Variants in NLGN1 observed in about 807,000 individuals in gnomAD.
NLGN1 encodes neuroligin 1, also known as neuroligin-1.
In NLGN1, 12 loss-of-function variants were observed where a neutral mutation model predicts 65.5. The observed-to-expected ratio is 0.18, with a 90% confidence interval of 0.12 to 0.30. The LOEUF (loss-of-function observed/expected upper bound fraction) is 0.30. Ranked by LOEUF, NLGN1 falls within the 10% of genes least tolerant of loss-of-function variation. The pLI is 1.00. For missense variants in NLGN1, 750 were observed against 1,007.1 expected, an observed-to-expected ratio of 0.74 and a Z score of 3.46; for synonymous variants, 350 against 359.5, an observed-to-expected ratio of 0.97 and a Z score of 0.30.
intron 4 of NLGN1, among the ~76,000 whole-genome samples, chr3:173,997,072 G>A (rs781339029): frequency 2.0e-5 from 3 of 151,966 alleles, no homozygotes; most frequent in Non-Finnish European, 4.4e-5. Flanking sequence ...ATGGAAAATA[G>A]CAGAATAATT....
At chr3:173,956,587 A>G (rs148714841) in intron 4 of NLGN1, among the ~76,000 whole-genome samples, 2 of 151,830 alleles carry the variant, frequency 1.3e-5, no homozygotes, top group Non-Finnish European at 2.9e-5. Context: ...TTCACTGGGG[A>G]CTCTTCCCCT....
At chr3:173,554,921 T>A (rs759512038) in intron 2 of NLGN1, among the ~76,000 whole-genome samples, 29 of 152,172 alleles carry the variant, frequency 1.9e-4, no homozygotes, top group Non-Finnish European at 3.4e-4. Flanking sequence ...ATATTTGGTA[T>A]TTTTTGGCTT....
chr3:173,889,617 A>G (rs1208204596), intron 4 of NLGN1, among the ~76,000 whole-genome samples: 1 of 152,174 alleles, frequency 6.6e-6, no homozygotes, highest in Non-Finnish European at 1.5e-5. Flanking sequence ...TTTATGTTAA[A>G]GAAAGTACCT....
At chr3:173,564,593 A>C (rs893505128) in intron 2 of NLGN1, among the ~76,000 whole-genome samples, 2 of 152,068 alleles carry the variant, frequency 1.3e-5, no homozygotes, top group Non-Finnish European at 2.9e-5. Flanking sequence ...TACTCTTTTC[A>C]CCTTCATCAA....
At chr3:173,410,627 T>A (rs1712331153) in intron 1 of NLGN1, among the ~76,000 whole-genome samples, 1 of 152,242 alleles carries the variant, frequency 6.6e-6, no homozygotes, top group South Asian at 2.1e-4. Context: ...AGCATTAGAA[T>A]GTGAAAACAT....
At chr3:173,662,745 G>T (rs1276808003) in intron 3 of NLGN1, among the ~76,000 whole-genome samples, 2 of 151,862 alleles carry the variant, frequency 1.3e-5, no homozygotes, top group East Asian at 3.9e-4. Flanking sequence ...GACATTTTTG[G>T]TTGTCACAAA....
intron 4 of NLGN1, among the ~76,000 whole-genome samples, chr3:173,819,173 A>C (rs983786028): frequency 6.6e-6 from 1 of 151,852 alleles, no homozygotes; most frequent in African/African-American, 2.4e-5. Flanking sequence ...TTTTTAAATC[A>C]GCTTATGTTA....
intron 4 of NLGN1, among the ~76,000 whole-genome samples, chr3:173,898,318 G>GA (rs1443466442): frequency 2.0e-5 from 3 of 152,218 alleles, no homozygotes; most frequent in South Asian, 2.1e-4. Flanking sequence ...TAGATATCAG[G>GA]AAAAAAATAC....
chr3:173,874,982 C>T (rs1202494553), intron 4 of NLGN1, among the ~76,000 whole-genome samples: 3 of 152,278 alleles, frequency 2.0e-5, no homozygotes, highest in East Asian at 3.9e-4. Context: ...GGGCTACAGG[C>T]TTTGCAACTA....
intron 2 of NLGN1, among the ~76,000 whole-genome samples, chr3:173,477,991 G>A (rs754629472): frequency 3.9e-5 from 6 of 152,152 alleles, no homozygotes; most frequent in South Asian, 2.1e-4. Context: ...GGAAGATGGC[G>A]TGGCAATTCC....
chr3:173,580,640 A>G (rs1746248848), intron 2 of NLGN1, among the ~76,000 whole-genome samples: 1 of 151,940 alleles, frequency 6.6e-6, no homozygotes, highest in South Asian at 2.1e-4. Context: ...AATGAATTTG[A>G]TTCACATTTT....
At chr3:173,976,991 C>A (rs1717610105) in intron 4 of NLGN1, among the ~76,000 whole-genome samples, 1 of 151,954 alleles carries the variant, frequency 6.6e-6, no homozygotes, top group Admixed American at 6.6e-5. Context: ...AATATGAATG[C>A]CTACCATGTG....
intron 4 of NLGN1, among the ~76,000 whole-genome samples, chr3:174,022,088 T>G (rs1218205753): frequency 6.6e-6 from 1 of 152,018 alleles, no homozygotes; most frequent in Non-Finnish European, 1.5e-5. Context: ...TGTGCTACTT[T>G]ACCAAATTTC....
At chr3:174,039,046 A>G (rs1023572000) in intron 4 of NLGN1, among the ~76,000 whole-genome samples, 1 of 152,172 alleles carries the variant, frequency 6.6e-6, no homozygotes, top group Admixed American at 6.5e-5. Flanking sequence ...TGCTCATTGA[A>G]TATAAAAGCA....
At chr3:173,560,524 ATTT>A (rs3030773) in intron 2 of NLGN1, among the ~76,000 whole-genome samples, 1 of 149,960 alleles carries the variant, frequency 6.7e-6, no homozygotes, top group South Asian at 2.1e-4. Context: ...CAACAGAATG[ATTT>A]TTTTTTTTTA....
chr3:173,419,556 T>C (rs1402760954), intron 1 of NLGN1, among the ~76,000 whole-genome samples: 1 of 152,170 alleles, frequency 6.6e-6, no homozygotes, highest in African/African-American at 2.4e-5. Flanking sequence ...TAACAGTGCT[T>C]GTGCAAGATG....
At chr3:173,442,960 G>A (rs958105338) in intron 2 of NLGN1, among the ~76,000 whole-genome samples, 21 of 152,132 alleles carry the variant, frequency 1.4e-4, no homozygotes, top group African/African-American at 5.1e-4. Context: ...TATACAACCA[G>A]TTTACGGAAA....
At chr3:173,714,288 C>G (rs1337383116) in intron 3 of NLGN1, among the ~76,000 whole-genome samples, 1 of 152,106 alleles carries the variant, frequency 6.6e-6, no homozygotes, top group Non-Finnish European at 1.5e-5. Context: ...TCTTGATTTT[C>G]TCATCTAAAG....
At chr3:174,142,180 A>T (rs903824399) in intron 4 of NLGN1, among the ~76,000 whole-genome samples, 1 of 152,072 alleles carries the variant, frequency 6.6e-6, no homozygotes, top group African/African-American at 2.4e-5. Flanking sequence ...ATGAAAGCAT[A>T]CTCTTGTTTA....
Sources: allele counts gnomAD v4.1 joint callset (sites outside exome capture counted in the v4.1 genomes callset), GRCh38; gene constraint gnomAD v4.1.1; transcripts MANE v1.5; gene names NCBI Gene and HGNC (gene_info 2026-07-23, HGNC 2026-07-21).